PLCB1: variants seen among roughly 807,000 people sequenced by gnomAD.
PLCB1 encodes phospholipase C beta 1, also known as 1-phosphatidylinositol 4,5-bisphosphate phosphodiesterase beta-1.
A neutral mutation model predicts 161.8 loss-of-function variants in PLCB1; 46 were observed. The observed-to-expected ratio is 0.28, with a 90% CI of 0.22 to 0.36. The LOEUF (loss-of-function observed/expected upper bound fraction) is 0.36. Ranked by LOEUF, PLCB1 falls within the 10% of genes least tolerant of loss-of-function variation. The probability of loss-of-function intolerance (pLI) is 1.00; values close to 1 mark genes in which losing one functional copy is unlikely to be tolerated. For synonymous variants in PLCB1, 517 were observed against 503.7 expected (o/e 1.03, Z -0.35); for missense variants, 1,016 against 1,472.5 (o/e 0.69, Z 5.07).
chr20:8,563,348 G>A (rs1035113377), intron 3 of PLCB1, among the ~76,000 whole-genome samples: 8 of 152,116 alleles, frequency 5.3e-5, no homozygotes, highest in African/African-American at 9.6e-5. Flanking sequence ...TCTATAGACA[G>A]GGGCTCTGTC....
chr20:8,669,196 C>G (rs1192946663), intron 9 of PLCB1, among the ~76,000 whole-genome samples: 1 of 152,182 alleles, frequency 6.6e-6, no homozygotes, highest in Non-Finnish European at 1.5e-5. Flanking sequence ...ATTCATTCAT[C>G]TAGCAAATAT....
At chr20:8,666,789 A>T (rs1201198564) in intron 9 of PLCB1, among the ~76,000 whole-genome samples, 1 of 152,130 alleles carries the variant, frequency 6.6e-6, no homozygotes, top group Non-Finnish European at 1.5e-5. Flanking sequence ...TGTTTCTTCT[A>T]ACAAAGTCTC....
chr20:8,380,109 A>T (rs1175644562), intron 3 of PLCB1, among the ~76,000 whole-genome samples: 1 of 152,174 alleles, frequency 6.6e-6, no homozygotes. Context: ...TTTTACATTT[A>T]AGTCTTTAAT....
chr20:8,692,391 C>A (rs1990498633), intron 10 of PLCB1, among the ~76,000 whole-genome samples: 1 of 152,112 alleles, frequency 6.6e-6, no homozygotes, highest in South Asian at 2.1e-4. Flanking sequence ...CACACACAGA[C>A]CTAAAAAGTC....
intron 31 of PLCB1, among the ~76,000 whole-genome samples, chr20:8,872,104 A>C (rs563027734): frequency 7.6e-6 from 1 of 130,752 alleles, no homozygotes; most frequent in South Asian, 2.3e-4. Flanking sequence ...AGTTTAACTT[A>C]TGTTGCCTTC....
At chr20:8,147,251 C>A (rs2051462544) in intron 1 of PLCB1, among the ~76,000 whole-genome samples, 1 of 152,180 alleles carries the variant, frequency 6.6e-6, no homozygotes, top group African/African-American at 2.4e-5. Context: ...TGTGTTTTTA[C>A]AAGATCTCTC....
intron 16 of PLCB1, 111 bp from the exon 17 acceptor site, chr20:8,727,198 T>G: frequency 1.8e-6 from 1 of 551,640 alleles, no homozygotes; most frequent in Non-Finnish European, 3.2e-6. Flanking sequence ...GAGGATTATT[T>G]GCCCTCAACT....
At chr20:8,724,241 C>T (rs575886435) in intron 15 of PLCB1, among the ~76,000 whole-genome samples, 1 of 151,448 alleles carries the variant, frequency 6.6e-6, no homozygotes, top group South Asian at 2.1e-4. Flanking sequence ...AATTACTAAC[C>T]TTAGACAACA....
At chr20:8,397,140 AC>A (rs976443686) in intron 3 of PLCB1, among the ~76,000 whole-genome samples, 4 of 152,012 alleles carry the variant, frequency 2.6e-5, no homozygotes, top group African/African-American at 9.7e-5. Context: ...TTGATTCCTT[AC>A]TGCATTAATG....
chr20:8,375,079 A>G (rs1024169345), intron 3 of PLCB1, among the ~76,000 whole-genome samples: 4 of 152,224 alleles, frequency 2.6e-5, no homozygotes, highest in African/African-American at 9.7e-5. Flanking sequence ...TCTTTTCTGT[A>G]TATAACCTTT....
At chr20:8,494,785 C>T (rs1449303016) in intron 3 of PLCB1, among the ~76,000 whole-genome samples, 2 of 152,128 alleles carry the variant, frequency 1.3e-5, no homozygotes, top group African/African-American at 4.8e-5. Context: ...TCTACCACTT[C>T]TAGTTTACAT....
At position 8,550,668 on chromosome 20, in the gene PLCB1, C is replaced by T. The variant is rs139474319; in HGVS notation, c.247-77626C>T. ...CCCCAAGACCTCTTCATTGCTGGGC[C>T]ATCACAGTACCCTGAATATGTTCTT... On this transcript the variant is annotated intron_variant, in intron 3 of 31. Transcript: ENST00000338037. Among the ~76,000 whole-genome samples, 29 of 152,294 alleles carry T rather than the reference C, an allele frequency of 1.9e-4. No homozygotes were observed. The East Asian group carries it at 5.4e-3, about 28-fold the overall frequency.
intron 2 of PLCB1, among the ~76,000 whole-genome samples, chr20:8,277,257 A>T (rs1189367806): frequency 6.6e-5 from 10 of 151,988 alleles, no homozygotes; most frequent in Admixed American, 6.6e-4. Flanking sequence ...ATGTGAAATC[A>T]TCGTATATGA....
At chr20:8,361,367 A>G (rs957287285) in intron 2 of PLCB1, among the ~76,000 whole-genome samples, 1 of 152,030 alleles carries the variant, frequency 6.6e-6, no homozygotes, top group African/African-American at 2.4e-5. Context: ...TTCTAGACCT[A>G]ATTAGCCTTC....
intron 27 of PLCB1, among the ~76,000 whole-genome samples, chr20:8,787,953 TA>T (rs1983570262): frequency 6.6e-6 from 1 of 152,262 alleles, no homozygotes. Context: ...CAATGAATGA[TA>T]GTTGTGAGCC....
intron 15 of PLCB1, among the ~76,000 whole-genome samples, chr20:8,723,651 C>G (rs964169959): frequency 6.6e-6 from 1 of 152,104 alleles, no homozygotes; most frequent in Non-Finnish European, 1.5e-5. Flanking sequence ...TCAAAAACCC[C>G]TATATGCTGT....
intron 25 of PLCB1, among the ~76,000 whole-genome samples, chr20:8,761,530 T>C (rs1437799379): frequency 6.6e-6 from 1 of 152,214 alleles, no homozygotes; most frequent in Admixed American, 6.5e-5. Context: ...GGTTTTGTTT[T>C]GTTTTTGAGA....
intron 3 of PLCB1, among the ~76,000 whole-genome samples, chr20:8,405,896 C>T (rs73897465): frequency 0.018 from 2,670 of 152,266 alleles, 86 homozygotes; most frequent in African/African-American, 0.062. Context: ...AATGATGCTA[C>T]TGACATCTCT....
At chr20:8,799,215 G>C (rs938596174) in intron 31 of PLCB1, among the ~76,000 whole-genome samples, 2 of 152,150 alleles carry the variant, frequency 1.3e-5, no homozygotes, top group Non-Finnish European at 2.9e-5. Context: ...AAATGTACTG[G>C]ATAGAGGGCA....
Sources: allele counts gnomAD v4.1 joint callset (sites outside exome capture counted in the v4.1 genomes callset), GRCh38; gene constraint gnomAD v4.1.1; transcripts MANE v1.5; gene names NCBI Gene and HGNC (gene_info 2026-07-23, HGNC 2026-07-21).